Variants in EBF3 observed in about 807,000 individuals in gnomAD.
The protein encoded by EBF3 is transcription factor COE3.
EBF3 carries 18 observed loss-of-function variants against 77.1 expected under a neutral mutation model. The ratio of observed to expected loss-of-function variants is 0.23; its 90% CI spans 0.16 to 0.35. The LOEUF (loss-of-function observed/expected upper bound fraction) is 0.35, where lower values mean the gene tolerates loss of function less well. Ranked by LOEUF, EBF3 falls within the 10% of genes least tolerant of loss-of-function variation. The probability of loss-of-function intolerance (pLI) is 1.00; values close to 1 mark genes in which losing one functional copy is unlikely to be tolerated. For missense variants in EBF3, 558 were observed against 860.0 expected, an observed-to-expected ratio of 0.65 and a Z score of 4.39; for synonymous variants, 350 against 343.5, an observed-to-expected ratio of 1.02 and a Z score of -0.21.
In EBF3 at chr10:129,867,232, C is replaced by A; in HGVS notation, c.948G>T (p.Pro316=). Residue 316 remains proline, a synonymous_variant, in exon 10 of 17, where the codon CCG becomes CCT. Coordinates refer to ENST00000440978, the MANE Select transcript of EBF3 (RefSeq NM_001375380.1). ...ITPHAIRVQT[P]PRHIPGVVEV... is the part of the protein sequence containing the mutation. ...CGACGACGCCAGGAATGTGCCTCGG[C>A]GGGGTCTGGACTCGGATGGCATGGG... 1 of 1,614,082 alleles carries A rather than the reference C, an allele frequency of 6.2e-7. No individual in the cohort carries two copies. Among genetic ancestry groups the A allele is most frequent in the South Asian group, 1.1e-5 (1 of 91,080 alleles).
rs1291784781 is a variant in EBF3, at chr10:129,963,169, C to T, written c.292-164G>A. Among the ~76,000 whole-genome samples, 1 of 152,178 alleles carries T rather than the reference C, an allele frequency of 6.6e-6. No homozygotes were observed. The highest frequency in any genetic ancestry group is 1.5e-5 in the Non-Finnish European group (1 of 68,030). On this transcript the variant is annotated intron_variant, in intron 2 of 16. Transcript: ENST00000440978. This position sits in a 1 kb window ranked among gnomAD's most constrained non-coding sequence, Gnocchi z 7.1. Reference sequence around the variant, plus strand: ...TTTCCTGCTGGAAGCCCAGCGTTCTCCTCGCCCCGAGTAAGTCCGAGGGCG... The same window carrying T: ...TTTCCTGCTGGAAGCCCAGCGTTCTTCTCGCCCCGAGTAAGTCCGAGGGCG...
rs2134610341 is a variant in EBF3 at position 129,957,242 on chromosome 10, A to T, written c.554+16T>A. ...TGCTGCGGTTTTGTTTTGAAAAATA[A>T]AGAAGTCATCCTTACCTGTCAATGA... is the stretch of plus-strand genomic sequence containing the variant. On this transcript the variant is annotated intron_variant, in intron 6 of 16. Transcript: ENST00000440978. The T allele has an allele frequency of 6.3e-7, 1 of 1,584,712 alleles. No individual in the cohort carries two copies.
chr10:129,881,730 T>C (rs1311437273), intron 6 of EBF3, among the ~76,000 whole-genome samples: 1 of 152,172 alleles, frequency 6.6e-6, no homozygotes, highest in South Asian at 2.1e-4. Context: ...CCTGTGAAGA[T>C]GGACCAAGGG....
At chr10:129,950,953 A>G (rs1589944373) in intron 6 of EBF3, among the ~76,000 whole-genome samples, 1 of 152,176 alleles carries the variant, frequency 6.6e-6, no homozygotes, top group East Asian at 1.9e-4. Context: ...TGCAATGACA[A>G]TTTCCATCAT....
intron 6 of EBF3, among the ~76,000 whole-genome samples, chr10:129,907,992 G>A (rs1182248806): frequency 1.3e-5 from 2 of 152,164 alleles, no homozygotes; most frequent in East Asian, 3.9e-4. Context: ...GGACCCCACT[G>A]AGCCATGGAT....
chr10:129,856,948 C>T (rs4751138), intron 10 of EBF3, among the ~76,000 whole-genome samples: 64,242 of 151,968 alleles, frequency 0.42, 15,480 homozygotes, highest in African/African-American at 0.65. Context: ...GCCGGAGTGC[C>T]GTTTAGAATA....
chr10:129,894,963 C>T (rs1389432974), intron 6 of EBF3, among the ~76,000 whole-genome samples: 1 of 152,172 alleles, frequency 6.6e-6, no homozygotes. Context: ...AGCACAAAGT[C>T]CTGGGCACCT....
rs113683563 is a variant in EBF3, at chr10:129,842,782, G to A, written c.1194+355C>T. Among the ~76,000 whole-genome samples, 9 of 93,948 alleles carry A rather than the reference G, an allele frequency of 9.6e-5. No homozygotes were observed. The highest frequency in any genetic ancestry group is 6.9e-4 in the South Asian group (2 of 2,884). 61.6% of individuals were successfully genotyped at this position (93,948 alleles called of 152,430 possible). A position where few individuals can be genotyped will look rare whatever the true frequency, so the allele number is the denominator to read the frequency against. On this transcript the variant is annotated intron_variant, in intron 12 of 16. Coordinates refer to ENST00000440978, the MANE Select transcript of EBF3 (RefSeq NM_001375380.1). The surrounding 1 kb of genome is among the most constrained non-coding windows in gnomAD (Gnocchi z 4.4). ...CTGTCTAAAAAAAAAAAAAAAAAAAGGGAGCAACATTTGCTGTGTTCTGTC... is the reference window on the plus strand; with the variant it reads ...CTGTCTAAAAAAAAAAAAAAAAAAAAGGAGCAACATTTGCTGTGTTCTGTC...
At chr10:129,908,873 AT>A (rs1226375907) in intron 6 of EBF3, among the ~76,000 whole-genome samples, 1 of 152,230 alleles carries the variant, frequency 6.6e-6, no homozygotes, top group African/African-American at 2.4e-5. Flanking sequence ...AGTATGGCCC[AT>A]AAGTCGACTC....
chr10:129,860,646 T>C (rs1851558706), intron 10 of EBF3, among the ~76,000 whole-genome samples: 1 of 152,206 alleles, frequency 6.6e-6, no homozygotes, highest in South Asian at 2.1e-4. Flanking sequence ...TTGTTAGCAA[T>C]AGCCCAAAAG....
At chr10:129,916,009 A>C (rs887929714) in intron 6 of EBF3, among the ~76,000 whole-genome samples, 5 of 152,220 alleles carry the variant, frequency 3.3e-5, no homozygotes, top group Non-Finnish European at 7.3e-5. Flanking sequence ...ACCATGATTC[A>C]CGTGGAGCTG....
intron 15 of EBF3, 60 bp downstream of exon 15, chr10:129,840,185 C>CAACCAAACCCA: frequency 2.9e-6 from 4 of 1,368,926 alleles, no homozygotes; most frequent in Non-Finnish European, 3.0e-6. Flanking sequence ...CCCACCCCCA[C>CAACCAAACCCA]TCCCATCCCC....
At chr10:129,844,952 A>G (rs1434589621) in intron 11 of EBF3, among the ~76,000 whole-genome samples, 1 of 152,198 alleles carries the variant, frequency 6.6e-6, no homozygotes, top group Non-Finnish European at 1.5e-5. Context: ...ATTTTAAGCA[A>G]CGATTAAAGC....
chr10:129,962,316 A>G (rs1859587382), intron 3 of EBF3, 90 bp from the exon 4 acceptor site: 1 of 1,193,530 alleles, frequency 8.4e-7, no homozygotes. Context: ...GTAACTCAGG[A>G]CTGCTGCCAC....
At chr10:129,946,624 G>C (rs752351172) in intron 6 of EBF3, among the ~76,000 whole-genome samples, 3 of 152,144 alleles carry the variant, frequency 2.0e-5, no homozygotes, top group African/African-American at 7.2e-5. Context: ...GCTTTCTCTT[G>C]GATTGTTGTT....
intron 6 of EBF3, among the ~76,000 whole-genome samples, chr10:129,945,034 G>A (rs1858068470): frequency 7.3e-6 from 1 of 136,328 alleles, no homozygotes; most frequent in South Asian, 2.7e-4. Flanking sequence ...TGACCAGATT[G>A]TAAAAGGAAA....
Position 129,944,597 on chromosome 10 carries a change from T to G in EBF3, c.554+12661A>C, listed in dbSNP as rs1287443865. Among the ~76,000 whole-genome samples, 1 of 152,188 alleles carries G rather than the reference T, an allele frequency of 6.6e-6. No individual in the cohort carries two copies. The highest frequency in any genetic ancestry group is 6.5e-5 in the Admixed American group (1 of 15,280). On this transcript the variant is annotated intron_variant, in intron 6 of 16. Coordinates refer to ENST00000440978, the MANE Select transcript of EBF3 (RefSeq NM_001375380.1). This position sits in a 1 kb window ranked among gnomAD's most constrained non-coding sequence, Gnocchi z 5.1. Reference sequence around the variant, plus strand: ...TCTTAGGGTAGGCTGAAGGCAGCGTTTGGGGAGCATTTTCTTAGTGGAAGC... The same window carrying G: ...TCTTAGGGTAGGCTGAAGGCAGCGTGTGGGGAGCATTTTCTTAGTGGAAGC...
At chr10:129,907,695 T>A (rs950200913) in intron 6 of EBF3, among the ~76,000 whole-genome samples, 2 of 152,148 alleles carry the variant, frequency 1.3e-5, no homozygotes, top group East Asian at 3.9e-4. Context: ...TCAATCATAA[T>A]AAAAAATTAA....
intron 8 of EBF3, among the ~76,000 whole-genome samples, chr10:129,869,559 G>A (rs547606533): frequency 1.1e-4 from 16 of 152,256 alleles, no homozygotes; most frequent in African/African-American, 3.6e-4. Context: ...GGTCAGATCC[G>A]GTTGCACATC....
Sources: gnomAD v4.1 joint callset for allele counts (sites outside exome capture counted in the v4.1 genomes callset) on GRCh38, gnomAD v4.1.1 for gene constraint, Gnocchi (gnomAD v3.1) non-coding constraint, MANE v1.5 for transcripts, NCBI Gene and HGNC (gene_info 2026-07-23, HGNC 2026-07-21) for gene names.